The following RGL1 variants were observed in gnomAD, a reference collection of about 807,000 sequenced individuals.
The protein encoded by RGL1 is ral guanine nucleotide dissociation stimulator like 1, also known as ral guanine nucleotide dissociation stimulator-like 1.
A neutral mutation model predicts 95.2 loss-of-function variants in RGL1; 24 were observed. That is an observed-to-expected ratio of 0.25 (90% confidence interval 0.18 to 0.35). RGL1 has a LOEUF of 0.35. Ranked by LOEUF, RGL1 falls within the 10% of genes least tolerant of loss-of-function variation. RGL1 has a pLI of 1.00. For synonymous variants in RGL1, 329 were observed against 344.9 expected, an observed-to-expected ratio of 0.95 and a Z score of 0.51; for missense variants, 715 against 936.3, an observed-to-expected ratio of 0.76 and a Z score of 3.08.
chr1:183,759,346 A>G (rs1355981089), intron 2 of RGL1, among the ~76,000 whole-genome samples: 2 of 152,160 alleles, frequency 1.3e-5, no homozygotes, highest in Non-Finnish European at 2.9e-5. Flanking sequence ...GTTTTCTGCT[A>G]TAGGAGTAGT....
intron 2 of RGL1, among the ~76,000 whole-genome samples, chr1:183,829,133 A>G (rs542090026): frequency 2.0e-5 from 3 of 152,240 alleles, no homozygotes; most frequent in African/African-American, 4.8e-5. Flanking sequence ...ACTTTTAACA[A>G]GTACCCCAGG....
intron 9 of RGL1, among the ~76,000 whole-genome samples, 191 bp downstream of exon 9, chr1:183,892,352 C>T (rs1418284509): frequency 1.3e-5 from 2 of 152,166 alleles, no homozygotes; most frequent in African/African-American, 4.8e-5. Context: ...TCCAGTTGAG[C>T]TCTCTCTTTC....
intron 5 of RGL1, among the ~76,000 whole-genome samples, chr1:183,883,170 C>T (rs1313722759): frequency 6.6e-6 from 1 of 152,112 alleles, no homozygotes; most frequent in Non-Finnish European, 1.5e-5. Context: ...TCATGCTGTG[C>T]CCTATGTAAT....
At chr1:183,790,962 G>C (rs938456738) in intron 2 of RGL1, among the ~76,000 whole-genome samples, 1 of 151,962 alleles carries the variant, frequency 6.6e-6, no homozygotes, top group African/African-American at 2.4e-5. Flanking sequence ...GAGGGAAGGA[G>C]AGAAGAGAGA....
chr1:183,703,286 G>C (rs1055444965), intron 1 of RGL1, among the ~76,000 whole-genome samples: 1 of 152,192 alleles, frequency 6.6e-6, no homozygotes, highest in African/African-American at 2.4e-5. Context: ...CTTAATTTTG[G>C]GGGTATTTTT....
chr1:183,652,157 G>T (rs1650807064), intron 1 of RGL1, among the ~76,000 whole-genome samples: 1 of 152,114 alleles, frequency 6.6e-6, no homozygotes, highest in Non-Finnish European at 1.5e-5. Flanking sequence ...TATATATAAT[G>T]GTCCCATAAT....
intron 1 of RGL1, among the ~76,000 whole-genome samples, chr1:183,697,584 A>C (rs1433637000): frequency 2.0e-5 from 3 of 152,222 alleles, no homozygotes; most frequent in African/African-American, 2.4e-5. Context: ...CTTGTATTGC[A>C]CAAAATGCTT....
chr1:183,872,529 A>G (rs1666241613), intron 4 of RGL1, among the ~76,000 whole-genome samples: 1 of 152,164 alleles, frequency 6.6e-6, no homozygotes, highest in South Asian at 2.1e-4. Context: ...TTCTGCTTTC[A>G]TTTCCACATA....
chr1:183,857,469 G>C (rs944816278), intron 3 of RGL1, among the ~76,000 whole-genome samples: 1 of 152,132 alleles, frequency 6.6e-6, no homozygotes, highest in African/African-American at 2.4e-5. Flanking sequence ...TCTTGTCAGG[G>C]AGATTGACTC....
At chr1:183,697,785 G>A (rs4507976) in intron 1 of RGL1, among the ~76,000 whole-genome samples, 78,279 of 152,018 alleles carry the variant, frequency 0.51, 20,842 homozygotes, top group East Asian at 0.88. Context: ...TACATTGCTA[G>A]GTTAATCTAA....
chr1:183,669,873 T>A (rs1444952867), intron 1 of RGL1, among the ~76,000 whole-genome samples: 1 of 152,130 alleles, frequency 6.6e-6, no homozygotes, highest in African/African-American at 2.4e-5. Flanking sequence ...GAAAAACCCC[T>A]TATAAAATCA....
At chr1:183,836,945 C>T (rs576605977) in intron 2 of RGL1, among the ~76,000 whole-genome samples, 1 of 152,170 alleles carries the variant, frequency 6.6e-6, no homozygotes, top group East Asian at 1.9e-4. Flanking sequence ...GATAATGGGG[C>T]TTTGGTTTTT....
At chr1:183,848,502 AT>A (rs1273452832) in intron 3 of RGL1, among the ~76,000 whole-genome samples, 3 of 152,308 alleles carry the variant, frequency 2.0e-5, no homozygotes, top group African/African-American at 7.2e-5. Context: ...AAATCCTTAT[AT>A]TCTGGGGTTT....
chr1:183,701,918 C>T (rs1654619690), intron 1 of RGL1, among the ~76,000 whole-genome samples: 1 of 152,190 alleles, frequency 6.6e-6, no homozygotes, highest in Non-Finnish European at 1.5e-5. Flanking sequence ...GCCTGGGTGA[C>T]AGACCAAGAC....
At chr1:183,769,131 C>T (rs940231473) in intron 2 of RGL1, among the ~76,000 whole-genome samples, 6 of 152,174 alleles carry the variant, frequency 3.9e-5, no homozygotes, top group Non-Finnish European at 7.4e-5. Flanking sequence ...TTAGACAAAG[C>T]TAGTTGTCAT....
chr1:183,831,145 G>A (rs955386605), intron 2 of RGL1, among the ~76,000 whole-genome samples: 17 of 152,166 alleles, frequency 1.1e-4, no homozygotes, highest in African/African-American at 3.6e-4. Context: ...GTGTGGCAGG[G>A]GAAGATGGGA....
At chr1:183,771,854 A>G (rs932298162) in intron 2 of RGL1, among the ~76,000 whole-genome samples, 32 of 152,338 alleles carry the variant, frequency 2.1e-4, no homozygotes, top group African/African-American at 7.2e-4. Flanking sequence ...CTAGCAAGGC[A>G]GAGACAGAAG....
At chr1:183,698,658 A>T (rs1462921459) in intron 1 of RGL1, among the ~76,000 whole-genome samples, 1 of 152,224 alleles carries the variant, frequency 6.6e-6, no homozygotes, top group Non-Finnish European at 1.5e-5. Context: ...TAAAGACAGC[A>T]CTCTAATATA....
chr1:183,911,002 A>G (rs1159873767), intron 14 of RGL1, among the ~76,000 whole-genome samples: 1 of 152,186 alleles, frequency 6.6e-6, no homozygotes, highest in Non-Finnish European at 1.5e-5. Flanking sequence ...GCTTTTTGTT[A>G]TGCCTGTTGG....
Sources: allele counts gnomAD v4.1 joint callset (sites outside exome capture counted in the v4.1 genomes callset), GRCh38; gene constraint gnomAD v4.1.1; transcripts MANE v1.5; gene names NCBI Gene and HGNC (gene_info 2026-07-23, HGNC 2026-07-21).